STEAP3: variants seen among roughly 807,000 people sequenced by gnomAD.
STEAP3 encodes the protein metalloreductase STEAP3.
A neutral mutation model predicts 34.9 loss-of-function variants in STEAP3; 35 were observed. The ratio of observed to expected loss-of-function variants is 1.00; its 90% CI spans 0.76 to 1.33. The LOEUF (loss-of-function observed/expected upper bound fraction) is 1.33. Among genes scored for constraint, STEAP3 ranks in the 40% most tolerant of loss-of-function variants. The probability of loss-of-function intolerance (pLI) is 0.00; values close to 1 mark genes in which losing one functional copy is unlikely to be tolerated. For missense variants in STEAP3, 652 were observed against 667.6 expected (o/e 0.98, Z 0.26); for synonymous variants, 281 against 301.6 (o/e 0.93, Z 0.71).
At chr2:119,231,910 G>A (rs566440893) in intron 2 of STEAP3, among the ~76,000 whole-genome samples, 2 of 152,104 alleles carry the variant, frequency 1.3e-5, no homozygotes, top group Admixed American at 6.5e-5. Context: ...GCATCCTCTG[G>A]CCTCTCTGCC....
At chr2:119,238,708 G>A (rs932477925) in intron 2 of STEAP3, among the ~76,000 whole-genome samples, 1 of 152,206 alleles carries the variant, frequency 6.6e-6, no homozygotes, top group Admixed American at 6.5e-5. Context: ...TGAGAGAAGA[G>A]GCAGAGCTTA....
chr2:119,241,660 C>G (rs1391137641), intron 2 of STEAP3, among the ~76,000 whole-genome samples: 2 of 152,144 alleles, frequency 1.3e-5, no homozygotes, highest in Admixed American at 6.5e-5. Flanking sequence ...TATGTCCCAG[C>G]GCCAGTTAGG....
At chr2:119,252,063 A>G (rs915514580) in intron 4 of STEAP3, among the ~76,000 whole-genome samples, 8 of 152,170 alleles carry the variant, frequency 5.3e-5, no homozygotes, top group Non-Finnish European at 7.3e-5. Flanking sequence ...TGATTTTTAA[A>G]TTGGCCACCA....
chr2:119,250,470 T>C (rs1278216852), intron 4 of STEAP3, among the ~76,000 whole-genome samples: 1 of 152,172 alleles, frequency 6.6e-6, no homozygotes, highest in Non-Finnish European at 1.5e-5. Flanking sequence ...TTGACGATAT[T>C]TTCTTACTGA....
Position 119,254,767 on chromosome 2 carries a change from C to T in STEAP3, c.1134C>T (p.Leu378=), listed in dbSNP as rs1197889148. The T allele has an allele frequency of 2.5e-6, 4 of 1,614,032 alleles. No homozygotes were observed. Among genetic ancestry groups the T allele is most frequent in the East Asian group, 2.2e-5 (1 of 44,904 alleles). ...ACCTCTCCCTGGGAGTGCTGGCCCT[C>T]GGCACGTTGTCCCTGCTGGCCGTGA... ...EIYLSLGVLA[L]GTLSLLAVTS... Residue 378 remains leucine (L), a synonymous_variant, in exon 5 of 6, where the codon CTC becomes CTT. Coordinates refer to ENST00000393110, the MANE Select transcript of STEAP3 (RefSeq NM_182915.3).
chr2:119,243,323 G>GT (rs1162798673), intron 2 of STEAP3, among the ~76,000 whole-genome samples: 1 of 152,200 alleles, frequency 6.6e-6, no homozygotes, highest in Non-Finnish European at 1.5e-5. Flanking sequence ...AGCCAGTGTG[G>GT]TCCCAGCTAT....
intron 2 of STEAP3, among the ~76,000 whole-genome samples, chr2:119,242,363 G>A (rs1052217308): frequency 1.1e-4 from 16 of 152,224 alleles, no homozygotes; most frequent in Non-Finnish European, 2.2e-4. Context: ...GGGTGTATCT[G>A]TCCCAGCCTT....
At chr2:119,258,056 C>T (rs978113300) in intron 5 of STEAP3, among the ~76,000 whole-genome samples, 1 of 152,090 alleles carries the variant, frequency 6.6e-6, no homozygotes, top group Non-Finnish European at 1.5e-5. Context: ...ATATGCTGAA[C>T]GAGGGGTGGA....
At chr2:119,234,482 C>T (rs1350566388) in intron 2 of STEAP3, among the ~76,000 whole-genome samples, 2 of 152,248 alleles carry the variant, frequency 1.3e-5, no homozygotes, top group African/African-American at 2.4e-5. Context: ...AGCCCTCCTC[C>T]CTGGCTCCAT....
intron 1 of STEAP3, among the ~76,000 whole-genome samples, chr2:119,227,533 C>T (rs1679079579): frequency 6.6e-6 from 1 of 152,230 alleles, no homozygotes. Flanking sequence ...GTTCCGCAAT[C>T]AGGCTGTGAC....
intron 4 of STEAP3, 76 bp from the exon 5 acceptor site, chr2:119,254,608 T>A: frequency 7.0e-6 from 11 of 1,570,048 alleles, no homozygotes. Context: ...TTGTCTTTCT[T>A]GTGTCCTTCA....
chr2:119,247,091 A>T (rs1677451142), intron 3 of STEAP3, among the ~76,000 whole-genome samples: 1 of 152,112 alleles, frequency 6.6e-6, no homozygotes. Flanking sequence ...TGGGGATCTG[A>T]GGACTGCAAT....
intron 5 of STEAP3, 33 bp from the exon 6 acceptor site, chr2:119,263,024 C>T (rs774654393): frequency 3.1e-6 from 5 of 1,593,316 alleles, no homozygotes; most frequent in East Asian, 2.2e-5. Flanking sequence ...GTCATCCCCT[C>T]GCCCTCACTC....
intron 5 of STEAP3, among the ~76,000 whole-genome samples, chr2:119,262,834 G>T (rs1677981814): frequency 6.6e-6 from 1 of 152,206 alleles, no homozygotes; most frequent in Non-Finnish European, 1.5e-5. Flanking sequence ...CTTCAGCATA[G>T]AAGCATTATT....
intron 4 of STEAP3, among the ~76,000 whole-genome samples, chr2:119,252,008 C>T (rs1471633061): frequency 6.6e-6 from 1 of 152,198 alleles, no homozygotes; most frequent in East Asian, 1.9e-4. Flanking sequence ...ACCTTGGGGT[C>T]CATGGTTCCT....
chr2:119,229,268 G>A (rs1304983825), intron 1 of STEAP3, among the ~76,000 whole-genome samples: 6 of 152,190 alleles, frequency 3.9e-5, no homozygotes, highest in African/African-American at 7.2e-5. Flanking sequence ...TCAGCCTCCC[G>A]AGCAGCTGGG....
chr2:119,264,900 C>T lies in STEAP3; in HGVS notation c.*1562C>T, dbSNP rs1678063317. The T allele has an allele frequency of 6.6e-6, 1 of 151,788 alleles. No homozygotes were observed. The highest frequency in any genetic ancestry group is 1.5e-5 in the Non-Finnish European group (1 of 68,070). The allele number at this position is 151,788 out of a possible 1,614,324, so 9.4% of individuals were successfully genotyped here. A position where few individuals can be genotyped will look rare whatever the true frequency, so the allele number is the denominator to read the frequency against. The stretch of plus-strand genomic sequence containing the variant: ...GGAGAAGAGCCCACTGCAAGGATAG[C>T]TCATTAGGCACATGACCGATGCAGG... On this transcript the variant is annotated 3_prime_UTR_variant, in exon 6 of 6. Transcript: ENST00000393110.
chr2:119,242,647 C>T (rs1020455062), intron 2 of STEAP3, among the ~76,000 whole-genome samples: 8 of 152,194 alleles, frequency 5.3e-5, no homozygotes, highest in Non-Finnish European at 1.0e-4. Flanking sequence ...TTACTGAATG[C>T]CGTTTGCTGG....
At position 119,245,530 on chromosome 2, in the gene STEAP3, C is replaced by T; in HGVS notation, c.64C>T (p.Leu22Phe). 1.3e-6 allele frequency: 2 copies of T among 1,598,640 alleles called. No homozygotes were observed. Among genetic ancestry groups the T allele is most frequent in the Non-Finnish European group, 1.7e-6 (2 of 1,167,616 alleles). The change falls in exon 3 of 6, where the codon CTC becomes TTC. Residue 22 changes from leucine (L) to phenylalanine (F), a missense_variant. By Grantham distance (22) the Leu-to-Phe change is conservative (BLOSUM62 0). Coordinates refer to ENST00000393110, the MANE Select transcript of STEAP3 (RefSeq NM_182915.3). ...AGAGATGGACAAGCCACTGATCAGC[C>T]TCCACCTGGTGGACAGCGATAGTAG... ...PEEMDKPLIS[L>F]HLVDSDSSLA... is the part of the protein sequence containing the mutation.
Sources: allele counts gnomAD v4.1 joint callset (sites outside exome capture counted in the v4.1 genomes callset), GRCh38; gene constraint gnomAD v4.1.1; transcripts MANE v1.5; gene names NCBI Gene and HGNC (gene_info 2026-07-23, HGNC 2026-07-21).